The following BANK1 variants were observed in gnomAD, a reference collection of about 807,000 sequenced individuals.
BANK1 encodes the protein B-cell scaffold protein with ankyrin repeats.
A neutral mutation model predicts 94.5 loss-of-function variants in BANK1; 95 were observed. The ratio of observed to expected loss-of-function variants is 1.00; its 90% CI spans 0.85 to 1.19. The LOEUF is 1.19. Ranked by LOEUF, BANK1 falls within the 50% of genes most tolerant of loss-of-function variation. The probability of loss-of-function intolerance (pLI) is 0.00; values close to 1 mark genes in which losing one functional copy is unlikely to be tolerated. For missense variants in BANK1, 987 were observed against 932.2 expected (o/e 1.06, Z -0.77); for synonymous variants, 334 against 308.4 (o/e 1.08, Z -0.87).
intron 7 of BANK1, among the ~76,000 whole-genome samples, chr4:102,014,724 T>C (rs980676770): frequency 6.6e-6 from 1 of 152,118 alleles, no homozygotes; most frequent in African/African-American, 2.4e-5. Flanking sequence ...ATTTACAAGG[T>C]ATTTTCGACT....
intron 7 of BANK1, among the ~76,000 whole-genome samples, chr4:101,961,982 C>T (rs1460896070): frequency 1.3e-5 from 2 of 152,154 alleles, no homozygotes; most frequent in Non-Finnish European, 1.5e-5. Context: ...ACTGCCGTTT[C>T]ATTCTTCTAA....
chr4:102,043,135 G>A (rs1727758765), intron 10 of BANK1, among the ~76,000 whole-genome samples: 1 of 151,958 alleles, frequency 6.6e-6, no homozygotes, highest in African/African-American at 2.4e-5. Context: ...AAGTAAAGTT[G>A]TAAAGAGTCT....
chr4:101,925,984 GA>G (rs1271186590), intron 7 of BANK1, among the ~76,000 whole-genome samples: 2 of 151,680 alleles, frequency 1.3e-5, no homozygotes, highest in Non-Finnish European at 3.0e-5. Flanking sequence ...TGTCCTTTCA[GA>G]AGGAAAATAT....
At chr4:101,823,480 C>T (rs1726250992) in intron 1 of BANK1, among the ~76,000 whole-genome samples, 1 of 152,166 alleles carries the variant, frequency 6.6e-6, no homozygotes, top group Non-Finnish European at 1.5e-5. Context: ...CTCCTATTGG[C>T]CATGCGTGTG....
intron 3 of BANK1, among the ~76,000 whole-genome samples, chr4:101,858,968 A>G (rs768695184): frequency 3.9e-5 from 6 of 152,222 alleles, no homozygotes; most frequent in East Asian, 1.9e-4. Context: ...TTGAGATGAC[A>G]TGAAAGAATG....
chr4:101,907,778 A>C (rs576086936), intron 6 of BANK1, among the ~76,000 whole-genome samples: 153 of 152,162 alleles, frequency 1.0e-3, no homozygotes, highest in African/African-American at 3.5e-3. Context: ...AACAGAGAGC[A>C]AAATCATGAG....
rs773768266 is a variant in BANK1 at position 102,025,361 on chromosome 4, C to T, written c.1446C>T (p.Asp482=). 7.4e-6 allele frequency: 12 copies of T among 1,613,942 alleles called. No homozygotes were observed. In the African/African-American group the frequency reaches 1.6e-4, roughly 22 times the overall value. ...PLEVGSESSE[D]QYDDLYVFIP... is the part of the protein sequence containing the mutation. ...AGGTTGGCAGTGAGAGTTCTGAAGA[C>T]CAGTATGATGACTTGTATGTGTTCA... The change falls in exon 9 of 17, where the codon GAC becomes GAT. Residue 482 remains aspartate (D), a synonymous_variant. Transcript: ENST00000322953.
intron 10 of BANK1, among the ~76,000 whole-genome samples, chr4:102,032,035 A>G (rs1443393680): frequency 6.6e-6 from 1 of 152,238 alleles, no homozygotes. Context: ...TTATAAAGTC[A>G]GGGAATGAAC....
intron 7 of BANK1, among the ~76,000 whole-genome samples, chr4:101,920,284 T>C (rs1271667390): frequency 2.0e-5 from 3 of 151,958 alleles, no homozygotes; most frequent in Admixed American, 2.0e-4. Context: ...GATGAGTTAA[T>C]GGGTGCAGCA....
chr4:101,901,033 A>G (rs1219236666), intron 6 of BANK1, among the ~76,000 whole-genome samples: 1 of 152,178 alleles, frequency 6.6e-6, no homozygotes, highest in Non-Finnish European at 1.5e-5. Flanking sequence ...ATTATCAACC[A>G]TGTCATGTCC....
chr4:101,867,632 G>A (rs1440181185), intron 4 of BANK1, among the ~76,000 whole-genome samples: 1 of 151,882 alleles, frequency 6.6e-6, no homozygotes, highest in African/African-American at 2.4e-5. Context: ...AATATCATAA[G>A]GGACAGGAGG....
At chr4:102,040,181 A>G (rs1327256457) in intron 10 of BANK1, among the ~76,000 whole-genome samples, 2 of 152,082 alleles carry the variant, frequency 1.3e-5, no homozygotes, top group Admixed American at 6.6e-5. Flanking sequence ...AAGTGAACTC[A>G]TTAAATTTCA....
chr4:101,911,613 A>G (rs938692551), intron 6 of BANK1, among the ~76,000 whole-genome samples: 1 of 152,238 alleles, frequency 6.6e-6, no homozygotes, highest in African/African-American at 2.4e-5. Context: ...CAGGTTAACC[A>G]TAGACTAAAA....
chr4:101,807,817 A>C lies in BANK1; in HGVS notation c.70+16867A>C, dbSNP rs546141180. ...AATTCAGGGCCGGGCGTGGTGGCTC[A>C]CGCCTGTAATCCCAGCAGTTTGGGA... On this transcript the variant is annotated intron_variant, in intron 1 of 16. Coordinates refer to ENST00000322953, the MANE Select transcript of BANK1 (RefSeq NM_017935.5). Among the ~76,000 whole-genome samples the C allele has an allele frequency of 3.3e-5, 5 of 152,246 alleles. No individual in the cohort carries two copies. The South Asian group carries it at 1.0e-3, about 32-fold the overall frequency.
intron 6 of BANK1, among the ~76,000 whole-genome samples, chr4:101,896,319 A>G (rs1342263389): frequency 6.6e-6 from 1 of 152,022 alleles, no homozygotes; most frequent in Non-Finnish European, 1.5e-5. Context: ...AGAATGTAAG[A>G]AGTCTAATGT....
chr4:101,946,224 C>T (rs1469637825), intron 7 of BANK1, among the ~76,000 whole-genome samples: 4 of 151,770 alleles, frequency 2.6e-5, no homozygotes, highest in South Asian at 2.1e-4. Context: ...TAATGTTATG[C>T]GATGAGATAA....
chr4:101,986,906 T>TATAC (rs1288878111), intron 7 of BANK1, among the ~76,000 whole-genome samples: 1 of 127,248 alleles, frequency 7.9e-6, no homozygotes, highest in African/African-American at 3.2e-5. Context: ...TGTGTATATA[T>TATAC]ATATATATAT....
chr4:101,976,623 A>C (rs991422831), intron 7 of BANK1, among the ~76,000 whole-genome samples: 2 of 152,170 alleles, frequency 1.3e-5, no homozygotes, highest in Non-Finnish European at 2.9e-5. Flanking sequence ...GATAAACATC[A>C]TATTTTAATT....
At chr4:102,037,207 G>A (rs1727538657) in intron 10 of BANK1, among the ~76,000 whole-genome samples, 1 of 152,206 alleles carries the variant, frequency 6.6e-6, no homozygotes, top group South Asian at 2.1e-4. Flanking sequence ...CAGTACTAGT[G>A]ACATCTGCTA....
Sources: allele counts gnomAD v4.1 joint callset (sites outside exome capture counted in the v4.1 genomes callset), GRCh38; gene constraint gnomAD v4.1.1; transcripts MANE v1.5; gene names NCBI Gene and HGNC (gene_info 2026-07-23, HGNC 2026-07-21).